CD109: variants seen among roughly 807,000 people sequenced by gnomAD.
CD109 encodes CD109 molecule, also known as CD109 antigen.
In CD109, 149 loss-of-function variants were observed where a neutral mutation model predicts 165.8. The ratio of observed to expected loss-of-function variants is 0.90; its 90% CI spans 0.79 to 1.03. The LOEUF (loss-of-function observed/expected upper bound fraction) is 1.03, where lower values mean the gene tolerates loss of function less well. Among genes scored for constraint, CD109 ranks in the 50% least tolerant of loss-of-function variants. CD109 has a pLI of 0.00. For synonymous variants in CD109, 585 were observed against 592.1 expected (o/e 0.99, Z 0.18); for missense variants, 1,712 against 1,677.8 (o/e 1.02, Z -0.36).
intron 2 of CD109, among the ~76,000 whole-genome samples, chr6:73,699,796 C>T (rs1380726861): frequency 6.6e-6 from 1 of 152,116 alleles, no homozygotes; most frequent in East Asian, 1.9e-4. Context: ...ATTGAAAATG[C>T]CATTGCTAGG....
At chr6:73,709,993 T>G (rs1463835398) in intron 2 of CD109, among the ~76,000 whole-genome samples, 2 of 152,198 alleles carry the variant, frequency 1.3e-5, no homozygotes, top group Non-Finnish European at 2.9e-5. Flanking sequence ...TCATACTGAA[T>G]GGGCAAAAAC....
Position 73,812,250 on chromosome 6 carries a change from T to A in CD109, c.3748T>A (p.Phe1250Ile). The A allele has an allele frequency of 1.2e-6, 2 of 1,608,952 alleles. No individual in the cohort carries two copies. Among genetic ancestry groups the A allele is most frequent in the Non-Finnish European group, 1.7e-6 (2 of 1,176,550 alleles). ...PTAVNISANG[F>I]GFAICQLNVV... ...GGCAGTTAATATTTCCGCAAATGGT[T>A]TTGGATTTGCTATTTGTCAGGTATG... The change falls in exon 29 of 33, where the codon TTT becomes ATT. Residue 1250 changes from phenylalanine to isoleucine, a missense_variant. Transcript: ENST00000287097.
intron 14 of CD109, among the ~76,000 whole-genome samples, chr6:73,769,253 C>T (rs575632380): frequency 1.3e-5 from 2 of 152,234 alleles, no homozygotes; most frequent in East Asian, 1.9e-4. Context: ...ATACAAACTT[C>T]TATTTTTTTA....
Position 73,768,144 on chromosome 6 carries a change from C to A in CD109, c.1587C>A (p.Ala529=). 6.2e-7 allele frequency: 1 copy of A among 1,607,474 alleles called. No homozygotes were observed. Among genetic ancestry groups the A allele is most frequent in the Non-Finnish European group, 8.5e-7 (1 of 1,174,292 alleles). The change falls in exon 14 of 33, where the codon GCC becomes GCA. Residue 529 remains alanine (A), a synonymous_variant. Transcript: ENST00000287097. ...CAGAAAATTCTTGGACTCCAAAAGC[C>A]TGTGTAATTGTGTATTATATTGAAG... is the stretch of plus-strand genomic sequence containing the variant. ...LTPENSWTPK[A]CVIVYYIEDD... is the part of the protein sequence containing the mutation.
intron 32 of CD109, among the ~76,000 whole-genome samples, chr6:73,820,975 G>A (rs1458670614): frequency 6.6e-6 from 1 of 152,066 alleles, no homozygotes. Flanking sequence ...GGAATACTAT[G>A]CAGCTATAAA....
intron 2 of CD109, among the ~76,000 whole-genome samples, chr6:73,719,217 C>T (rs962756544): frequency 5.9e-5 from 9 of 152,156 alleles, no homozygotes; most frequent in African/African-American, 1.7e-4. Flanking sequence ...TGTGACTGAG[C>T]AGCTTTAAAG....
intron 13 of CD109, 56 bp downstream of exon 13, chr6:73,767,066 A>T: frequency 6.8e-7 from 1 of 1,479,956 alleles, no homozygotes; most frequent in Non-Finnish European, 9.3e-7. Context: ...CTTTTTATTC[A>T]CTTTTAAGTT....
chr6:73,723,377 T>A, intron 3 of CD109, 98 bp downstream of exon 3: 1 of 943,962 alleles, frequency 1.1e-6, no homozygotes, highest in Non-Finnish European at 1.7e-6. Context: ...TTCACACATT[T>A]CACGTTTCAT....
intron 20 of CD109, among the ~76,000 whole-genome samples, chr6:73,786,809 G>T (rs958630133): frequency 6.6e-6 from 1 of 152,276 alleles, no homozygotes; most frequent in Non-Finnish European, 1.5e-5. Flanking sequence ...TTTTTACAGA[G>T]ACTTCAATAA....
At chr6:73,793,904 A>C (rs1775057725) in intron 23 of CD109, among the ~76,000 whole-genome samples, 1 of 151,924 alleles carries the variant, frequency 6.6e-6, no homozygotes, top group Non-Finnish European at 1.5e-5. Context: ...ATATAGTTCA[A>C]CGCTTTCCAA....
the CD109 span, among the ~76,000 whole-genome samples, chr6:73,690,653 G>A: frequency 1.1e-3 from 165 of 152,304 alleles, 1 homozygote; most frequent in Non-Finnish European, 2.1e-3. Context: ...TGCCCGCCTC[G>A]GCCTCCCAAG....
chr6:73,681,690 C>G, the CD109 span, among the ~76,000 whole-genome samples: 1 of 151,908 alleles, frequency 6.6e-6, no homozygotes, highest in South Asian at 2.1e-4. Flanking sequence ...ACAACTTCCG[C>G]CTTCTGGGTT....
chr6:73,698,119 CAA>C (rs1019336939), intron 2 of CD109, among the ~76,000 whole-genome samples: 4 of 151,970 alleles, frequency 2.6e-5, no homozygotes, highest in Non-Finnish European at 5.9e-5. Context: ...TTTAAAGTAA[CAA>C]GAGAAAAAAA....
chr6:73,813,693 A>G (rs1775830458), intron 29 of CD109, among the ~76,000 whole-genome samples: 1 of 152,158 alleles, frequency 6.6e-6, no homozygotes, highest in South Asian at 2.1e-4. Flanking sequence ...GTAATAAAAT[A>G]CTAAACTGTT....
chr6:73,796,682 T>C (rs1346937105), intron 23 of CD109, among the ~76,000 whole-genome samples: 1 of 152,172 alleles, frequency 6.6e-6, no homozygotes, highest in African/African-American at 2.4e-5. Flanking sequence ...TTTTGGACTT[T>C]AGGTCCATCA....
chr6:73,823,708 A>G lies in CD109; in HGVS notation c.*75A>G. 7.4e-7 allele frequency: 1 copy of G among 1,360,360 alleles called. No homozygotes were observed. The highest frequency in any genetic ancestry group is 1.0e-6 in the Non-Finnish European group (1 of 993,592). 84.3% of individuals were successfully genotyped at this position (1,360,360 alleles called of 1,614,324 possible). A position where few individuals can be genotyped will look rare whatever the true frequency, so the allele number is the denominator to read the frequency against. ...GTGATTGTTTTGTTTTCGTAGAAGA[A>G]TACTGCTTCTATTTTGAAAAAAGAG... On this transcript the variant is annotated 3_prime_UTR_variant, in exon 33 of 33. Transcript: ENST00000287097.
chr6:73,823,811 T>G lies in CD109; in HGVS notation c.*178T>G, dbSNP rs1776186520. 1 of 461,668 alleles carries G rather than the reference T, an allele frequency of 2.2e-6. No individual in the cohort carries two copies. Among genetic ancestry groups the G allele is most frequent in the Non-Finnish European group, 3.8e-6 (1 of 260,560 alleles). 28.6% of individuals were successfully genotyped at this position (461,668 alleles called of 1,614,324 possible). A position where few individuals can be genotyped will look rare whatever the true frequency, so the allele number is the denominator to read the frequency against. ...GTATAGCTGCATAGATTTCTTCACC[T>G]GATCTTTGTGTGGAAGATCAGAATG... is the stretch of plus-strand genomic sequence containing the variant. On this transcript the variant is annotated 3_prime_UTR_variant, in exon 33 of 33. Coordinates refer to ENST00000287097, the MANE Select transcript of CD109 (RefSeq NM_133493.5).
intron 5 of CD109, among the ~76,000 whole-genome samples, chr6:73,740,662 G>A (rs1018759843): frequency 2.7e-5 from 4 of 147,128 alleles, no homozygotes; most frequent in Non-Finnish European, 4.5e-5. Flanking sequence ...GTGTGATCTC[G>A]GCTCACTGAA....
At chr6:73,810,670 T>C (rs1026571211) in intron 27 of CD109, among the ~76,000 whole-genome samples, 1 of 138,260 alleles carries the variant, frequency 7.2e-6, no homozygotes, top group African/African-American at 2.5e-5. Flanking sequence ...CATTGTGGTA[T>C]AAAAAAATCA....
Sources: allele counts gnomAD v4.1 joint callset (sites outside exome capture counted in the v4.1 genomes callset), GRCh38; gene constraint gnomAD v4.1.1; transcripts MANE v1.5; gene names NCBI Gene and HGNC (gene_info 2026-07-23, HGNC 2026-07-21).